NYAP2: variants seen among roughly 807,000 people sequenced by gnomAD.
NYAP2 encodes neuronal tyrosine-phosphorylated phosphoinositide-3-kinase adapter 2.
A neutral mutation model predicts 50.4 loss-of-function variants in NYAP2; 23 were observed. That is an observed-to-expected ratio of 0.46 (90% CI 0.33 to 0.65). NYAP2 has a LOEUF of 0.65. NYAP2 is among the 30% of genes least tolerant of loss of function. NYAP2 has a pLI of 0.02. For synonymous variants in NYAP2, 394 were observed against 365.2 expected, an observed-to-expected ratio of 1.08 and a Z score of -0.90; for missense variants, 885 against 861.0, an observed-to-expected ratio of 1.03 and a Z score of -0.35.
chr2:225,496,332 G>A (rs1690504419), intron 3 of NYAP2, among the ~76,000 whole-genome samples: 1 of 152,098 alleles, frequency 6.6e-6, no homozygotes. Context: ...TCTTTGGGGA[G>A]AAGATTTCAA....
At chr2:225,460,041 T>C (rs1428972404) in intron 3 of NYAP2, among the ~76,000 whole-genome samples, 1 of 152,194 alleles carries the variant, frequency 6.6e-6, no homozygotes, top group Non-Finnish European at 1.5e-5. Flanking sequence ...GTACTAGCAA[T>C]TGAGGTAGGT....
At chr2:225,484,688 C>T (rs1001538186) in intron 3 of NYAP2, among the ~76,000 whole-genome samples, 14 of 152,218 alleles carry the variant, frequency 9.2e-5, no homozygotes, top group Non-Finnish European at 2.1e-4. Context: ...GTCATATTTT[C>T]TCACTTGGAG....
chr2:225,552,009 T>G (rs1574673723), intron 4 of NYAP2, among the ~76,000 whole-genome samples: 1 of 152,122 alleles, frequency 6.6e-6, no homozygotes, highest in African/African-American at 2.4e-5. Flanking sequence ...GACGGGGTTT[T>G]ACTATGTTGG....
chr2:225,484,816 C>T (rs560172142), intron 3 of NYAP2, among the ~76,000 whole-genome samples: 40 of 152,328 alleles, frequency 2.6e-4, no homozygotes, highest in African/African-American at 8.9e-4. Flanking sequence ...GTTTCCAAAG[C>T]GTGGTCTTTG....
intron 5 of NYAP2, among the ~76,000 whole-genome samples, chr2:225,591,070 C>A (rs1387521408): frequency 6.6e-6 from 1 of 152,156 alleles, no homozygotes; most frequent in Non-Finnish European, 1.5e-5. Flanking sequence ...AGAAGTCCAT[C>A]CAGATGAGTC....
At chr2:225,674,693 T>G in the NYAP2 span, among the ~76,000 whole-genome samples, 1 of 152,096 alleles carries the variant, frequency 6.6e-6, no homozygotes, top group Non-Finnish European at 1.5e-5. Flanking sequence ...TCGATATTTG[T>G]CAAAAGTGGA....
chr2:225,576,853 T>C (rs1179381679), intron 4 of NYAP2, among the ~76,000 whole-genome samples: 1 of 152,176 alleles, frequency 6.6e-6, no homozygotes, highest in East Asian at 1.9e-4. Context: ...TGTTCATTAG[T>C]AATATATGGA....
intron 4 of NYAP2, among the ~76,000 whole-genome samples, chr2:225,581,695 G>A (rs1007157841): frequency 6.6e-6 from 1 of 152,112 alleles, no homozygotes; most frequent in African/African-American, 2.4e-5. Context: ...AACAGTCCTG[G>A]TTTTAATGCA....
the NYAP2 span, among the ~76,000 whole-genome samples, chr2:225,671,004 C>A: frequency 6.6e-6 from 1 of 152,042 alleles, no homozygotes; most frequent in Non-Finnish European, 1.5e-5. Flanking sequence ...ATGTTTTTGC[C>A]AGTAGAAGGT....
chr2:225,640,688 T>C (rs1245580989), intron 6 of NYAP2, among the ~76,000 whole-genome samples: 1 of 152,218 alleles, frequency 6.6e-6, no homozygotes, highest in Admixed American at 6.5e-5. Context: ...TGTGTACATA[T>C]ATAAAGCCAT....
rs572517943 is a variant in NYAP2, at chr2:225,490,145, T to C, written c.222-23226T>C. ...CTATGAATCTCCTTTAATTCATATC[T>C]ATCCAGTTAGAGGAGCTTCAATTTG... On this transcript the variant is annotated intron_variant, in intron 3 of 6. Coordinates refer to ENST00000636099, the Ensembl canonical transcript of NYAP2. Among the ~76,000 whole-genome samples, 4 of 152,316 alleles carry C rather than the reference T, an allele frequency of 2.6e-5. No individual in the cohort carries two copies. In the East Asian group the frequency reaches 7.7e-4, roughly 29 times the overall value.
At chr2:225,504,161 T>A (rs1690660717) in intron 3 of NYAP2, among the ~76,000 whole-genome samples, 1 of 152,198 alleles carries the variant, frequency 6.6e-6, no homozygotes, top group African/African-American at 2.4e-5. Flanking sequence ...CAGACATTTA[T>A]TTCACACAGT....
At chr2:225,514,171 C>G (rs1057383505) in intron 4 of NYAP2, among the ~76,000 whole-genome samples, 3 of 152,062 alleles carry the variant, frequency 2.0e-5, no homozygotes, top group African/African-American at 2.4e-5. Flanking sequence ...CAATTTTTAC[C>G]TTTATCTGCC....
intron 3 of NYAP2, among the ~76,000 whole-genome samples, chr2:225,455,442 T>A (rs1298051394): frequency 6.6e-6 from 1 of 152,232 alleles, no homozygotes; most frequent in East Asian, 1.9e-4. Context: ...AACAGCCTGA[T>A]AAATAATTAG....
intron 6 of NYAP2, among the ~76,000 whole-genome samples, chr2:225,635,828 T>C (rs549733660): frequency 3.3e-4 from 51 of 152,288 alleles, no homozygotes; most frequent in African/African-American, 1.2e-3. Flanking sequence ...TCCTAATCTC[T>C]CACAATGCTT....
chr2:225,399,374 A>G (rs1470499417), upstream of NYAP2, among the ~76,000 whole-genome samples: 104 of 152,068 alleles, frequency 6.8e-4, 1 homozygote, highest in South Asian at 4.1e-4. Flanking sequence ...AAGTTGTGGT[A>G]TATAATGTGA....
intron 3 of NYAP2, among the ~76,000 whole-genome samples, chr2:225,438,155 T>C (rs1197882788): frequency 6.6e-6 from 1 of 152,224 alleles, no homozygotes; most frequent in Non-Finnish European, 1.5e-5. Context: ...CTTGGATACT[T>C]TATTCTGCTC....
intron 4 of NYAP2, among the ~76,000 whole-genome samples, chr2:225,526,041 A>G (rs1375740062): frequency 6.6e-6 from 1 of 152,310 alleles, no homozygotes; most frequent in African/African-American, 2.4e-5. Flanking sequence ...AATTCTGCCA[A>G]CAATGAGTGA....
At chr2:225,418,450 G>A (rs1046938720) in intron 3 of NYAP2, among the ~76,000 whole-genome samples, 2 of 152,078 alleles carry the variant, frequency 1.3e-5, no homozygotes. Context: ...GAGGGAAGAT[G>A]TTGGCTGGGA....
Sources: gnomAD v4.1 joint callset for allele counts (sites outside exome capture counted in the v4.1 genomes callset) on GRCh38, gnomAD v4.1.1 for gene constraint, MANE v1.5 for transcripts, NCBI Gene and HGNC (gene_info 2026-07-23, HGNC 2026-07-21) for gene names.